Variants in PPP1R1B observed in about 807,000 individuals in gnomAD.
PPP1R1B encodes the protein protein phosphatase 1 regulatory subunit 1B.
In PPP1R1B, 13 loss-of-function variants were observed where a neutral mutation model predicts 28.2. The observed-to-expected ratio is 0.46, with a 90% CI of 0.30 to 0.73. The LOEUF (loss-of-function observed/expected upper bound fraction) is 0.73, where lower values mean the gene tolerates loss of function less well. Among genes scored for constraint, PPP1R1B ranks in the 30% least tolerant of loss-of-function variants. The pLI, the probability that PPP1R1B is intolerant of heterozygous loss-of-function variation, is 0.07. For missense variants in PPP1R1B, 236 were observed against 256.7 expected (o/e 0.92, Z 0.55); for synonymous variants, 102 against 97.5 (o/e 1.05, Z -0.27).
intron 5 of PPP1R1B, 32 bp downstream of exon 5, chr17:39,634,118 G>A (rs907094): frequency 0.74 from 1,190,669 of 1,611,418 alleles, 452,561 homozygotes; most frequent in Non-Finnish European, 0.78. Context: ...ATGTGGATTA[G>A]CTGTGGGTCC....
intron 3 of PPP1R1B, 78 bp downstream of exon 3, chr17:39,629,640 C>A: frequency 6.7e-7 from 1 of 1,493,104 alleles, no homozygotes; most frequent in Non-Finnish European, 9.3e-7. Context: ...GCAGTGACAA[C>A]CAACCAGTAT....
intron 1 of PPP1R1B, chr17:39,628,519 G>A: frequency 1.0e-5 from 10 of 985,576 alleles, no homozygotes; most frequent in Non-Finnish European, 1.1e-5. Context: ...CACAAGGACT[G>A]GGTGAAGAGT....
Position 39,635,952 on chromosome 17 carries a change from C to T in PPP1R1B, c.*87C>T, listed in dbSNP as rs765353171. On this transcript the variant is annotated 3_prime_UTR_variant, in exon 7 of 7. Transcript: ENST00000254079. ...CTCTATCCTCACCCTGTTTTGTGCT[C>T]TTCCCCTCGCCTGCTAGGGCTGCGG... is the stretch of plus-strand genomic sequence containing the variant. 2.8e-6 allele frequency: 4 copies of T among 1,443,378 alleles called. No homozygotes were observed. In the African/African-American group the frequency reaches 5.6e-5, roughly 20 times the overall value. The allele number at this position is 1,443,378 out of a possible 1,614,324, so 89.4% of individuals were successfully genotyped here.
intron 3 of PPP1R1B, 126 bp from the exon 4 acceptor site, chr17:39,629,846 A>G: frequency 9.6e-7 from 1 of 1,040,902 alleles, no homozygotes. Flanking sequence ...GGCTCAGCCT[A>G]GGTGCAGGAC....
At position 39,628,441 on chromosome 17, in the gene PPP1R1B, C is replaced by T. The variant is rs568176603; in HGVS notation, c.82-729C>T. On this transcript the variant is annotated intron_variant, in intron 1 of 6. Coordinates refer to ENST00000254079, the MANE Select transcript of PPP1R1B (RefSeq NM_032192.4). Reference sequence around the variant, plus strand: ...TTGGTCTGATTGCCAAGCTGAGGGGCGGGGCGGGGAGGGGGGCGGTCAGTT... The same window carrying T: ...TTGGTCTGATTGCCAAGCTGAGGGGTGGGGCGGGGAGGGGGGCGGTCAGTT... 8.3e-5 allele frequency: 65 copies of T among 782,950 alleles called. No individual in the cohort carries two copies. In the African/African-American group the frequency reaches 1.6e-3, roughly 19 times the overall value. 48.5% of individuals were successfully genotyped at this position (782,950 alleles called of 1,614,324 possible).
At chr17:39,635,784 A>G (rs2056917002) in intron 6 of PPP1R1B, 32 bp from the exon 7 acceptor site, 1 of 1,613,214 alleles carries the variant, frequency 6.2e-7, no homozygotes, top group South Asian at 1.1e-5. Flanking sequence ...GGGTGGGGCC[A>G]GGCCCTGAGT....
chr17:39,629,269 T>G, intron 2 of PPP1R1B, 39 bp downstream of exon 2: 1 of 1,589,612 alleles, frequency 6.3e-7, no homozygotes, highest in Non-Finnish European at 8.6e-7. Flanking sequence ...GGCCCCACCC[T>G]AGCTCTGATG....
chr17:39,630,268 G>C, intron 4 of PPP1R1B: 1 of 542,114 alleles, frequency 1.8e-6, no homozygotes, highest in East Asian at 3.0e-5. Context: ...CTTAACATCG[G>C]GTTGTGGGCT....
chr17:39,634,086 G>C lies in PPP1R1B; in HGVS notation c.445G>C (p.Ala149Pro). 3 of 1,613,636 alleles carry C rather than the reference G, an allele frequency of 1.9e-6. No homozygotes were observed. Among genetic ancestry groups the C allele is most frequent in the Non-Finnish European group, 2.5e-6 (3 of 1,179,906 alleles). The change falls in exon 5 of 7, where the codon GCT becomes CCT. Residue 149 changes from alanine (A) to proline (P), a missense_variant and splice_region_variant. Transcript: ENST00000254079. ...AGTCCTGAAGGTCATCAGGCAGTCT[G>C]GTAAGCTGAGGGGCCTGTGACATGT... ...AEVLKVIRQS[A>P]GQKTTCGQGL...
At position 39,636,238 on chromosome 17, in the gene PPP1R1B, C is replaced by G; in HGVS notation, c.*373C>G. The G allele has an allele frequency of 4.6e-6, 1 of 217,934 alleles. No individual in the cohort carries two copies. The highest frequency in any genetic ancestry group is 8.0e-5 in the South Asian group (1 of 12,454). 13.5% of individuals were successfully genotyped at this position (217,934 alleles called of 1,614,324 possible). Reference sequence around the variant, plus strand: ...GACCCACAGGGCAGGACCCTAAGATCTGGGGAAAGGAGGTCCTGAGAACCT... The same window carrying G: ...GACCCACAGGGCAGGACCCTAAGATGTGGGGAAAGGAGGTCCTGAGAACCT... On this transcript the variant is annotated 3_prime_UTR_variant, in exon 7 of 7. Coordinates refer to ENST00000254079, the MANE Select transcript of PPP1R1B (RefSeq NM_032192.4).
At chr17:39,627,746 A>C (rs1466003031) in intron 1 of PPP1R1B, among the ~76,000 whole-genome samples, 1 of 151,274 alleles carries the variant, frequency 6.6e-6, no homozygotes, top group East Asian at 1.9e-4. Context: ...GGCCGATTCC[A>C]GACCGCCCAG....
chr17:39,633,858 C>G, intron 4 of PPP1R1B, 25 bp from the exon 5 acceptor site: 1 of 1,612,296 alleles, frequency 6.2e-7, no homozygotes, highest in Non-Finnish European at 8.5e-7. Flanking sequence ...CTGACCCTTG[C>G]TTTCCTCGGT....
rs2056844727 is a variant in PPP1R1B, at chr17:39,627,348, G to C, written c.-45G>C. The C allele has an allele frequency of 2.1e-6, 3 of 1,404,860 alleles. No homozygotes were observed. The highest frequency in any genetic ancestry group is 2.0e-6 in the Non-Finnish European group (2 of 1,013,068). 87.0% of individuals were successfully genotyped at this position (1,404,860 alleles called of 1,614,324 possible). A position where few individuals can be genotyped will look rare whatever the true frequency, so the allele number is the denominator to read the frequency against. ...GGAGCCCAGCACAGACCGCCGCCGG[G>C]ACCCCGAGTCGCGCACCCCAGCCCC... is the stretch of plus-strand genomic sequence containing the variant. On this transcript the variant is annotated 5_prime_UTR_variant, in exon 1 of 7. Transcript: ENST00000254079.
Position 39,629,547 on chromosome 17 carries a change from A to C in PPP1R1B, c.150A>C (p.Glu50Asp), listed in dbSNP as rs775936429. 1.9e-6 allele frequency: 3 copies of C among 1,613,474 alleles called. No individual in the cohort carries two copies. Among genetic ancestry groups the C allele is most frequent in the South Asian group, 1.1e-5 (1 of 91,010 alleles). ...RLSEHSSPEEEASPHQRASGE... is the reference protein window; with the variant it reads ...RLSEHSSPEEDASPHQRASGE... ...TTTGGTGGCCTTCCTCAGAGGAGGA[A>C]GCCTCCCCCCACCAGGTGAGTTTCC... is the stretch of plus-strand genomic sequence containing the variant. The change falls in exon 3 of 7, where the codon GAA becomes GAC. Residue 50 changes from glutamate to aspartate, a missense_variant. Transcript: ENST00000254079.
chr17:39,635,093 G>A (rs2056907176), intron 5 of PPP1R1B, among the ~76,000 whole-genome samples: 1 of 152,196 alleles, frequency 6.6e-6, no homozygotes, highest in Admixed American at 6.5e-5. Context: ...CTGCTTGGGA[G>A]GCTGAGGCAG....
Position 39,636,082 on chromosome 17 carries a change from C to T in PPP1R1B, c.*217C>T, listed in dbSNP as rs1390759900. 1.7e-6 allele frequency: 1 copy of T among 578,316 alleles called. No homozygotes were observed. The highest frequency in any genetic ancestry group is 1.9e-5 in the African/African-American group (1 of 53,436). The allele number at this position is 578,316 out of a possible 1,614,324, so 35.8% of individuals were successfully genotyped here. A position where few individuals can be genotyped will look rare whatever the true frequency, so the allele number is the denominator to read the frequency against. On this transcript the variant is annotated 3_prime_UTR_variant, in exon 7 of 7. Transcript: ENST00000254079. ...ACTTGCTGCCTGATGCCCACCCCTG[C>T]CAGTCATTCCTCCATTCACCCAGCG... is the stretch of plus-strand genomic sequence containing the variant.
intron 4 of PPP1R1B, among the ~76,000 whole-genome samples, chr17:39,631,391 G>C (rs2056876277): frequency 6.6e-6 from 1 of 152,324 alleles, no homozygotes; most frequent in Admixed American, 6.5e-5. Flanking sequence ...GAGTCAGAGG[G>C]GGACTTCTGG....
At chr17:39,633,642 G>A in intron 4 of PPP1R1B, 1 of 502,294 alleles carries the variant, frequency 2.0e-6, no homozygotes, top group Non-Finnish European at 3.5e-6. Flanking sequence ...CTGCCTGGGG[G>A]CTAGCATCTT....
chr17:39,628,625 G>C, intron 1 of PPP1R1B: 1 of 986,030 alleles, frequency 1.0e-6, no homozygotes, highest in Non-Finnish European at 1.2e-6. Context: ...AGCTGGAGGT[G>C]GGGGGTGCCT....
Sources: allele counts gnomAD v4.1 joint callset (sites outside exome capture counted in the v4.1 genomes callset), GRCh38; gene constraint gnomAD v4.1.1; transcripts MANE v1.5; gene names NCBI Gene and HGNC (gene_info 2026-07-23, HGNC 2026-07-21).